Variants in FOXP1 observed in about 807,000 individuals in gnomAD.
FOXP1 encodes the protein forkhead box P1.
In FOXP1, 15 loss-of-function variants were observed where a neutral mutation model predicts 98.2. That is an observed-to-expected ratio of 0.15 (90% CI 0.10 to 0.24). The LOEUF is 0.24. Among genes scored for constraint, FOXP1 ranks in the 10% least tolerant of loss-of-function variants. The pLI is 1.00. For synonymous variants in FOXP1, 371 were observed against 314.5 expected, an observed-to-expected ratio of 1.18 and a Z score of -1.90; for missense variants, 633 against 848.5, an observed-to-expected ratio of 0.75 and a Z score of 3.15.
chr3:71,509,727 T>G (rs1338192753), intron 2 of FOXP1, among the ~76,000 whole-genome samples: 1 of 151,468 alleles, frequency 6.6e-6, no homozygotes, highest in Non-Finnish European at 1.5e-5. Context: ...TACAAAAAAT[T>G]AAAAATTAGC....
rs1553647824 is a variant in FOXP1, at chr3:70,955,215, C to CT, written c.*4031dup. The CT allele has an allele frequency of 8.6e-6, 2 of 232,328 alleles. No homozygotes were observed. The highest frequency in any genetic ancestry group is 5.6e-5 in the Admixed American group (1 of 17,750). 14.4% of individuals were successfully genotyped at this position (232,328 alleles called of 1,614,324 possible). On this transcript the variant is annotated 3_prime_UTR_variant, in exon 21 of 21. Coordinates refer to ENST00000649528, the MANE Select transcript of FOXP1 (RefSeq NM_001349338.3). ...AAAAGAGAGGAAATATTTTTTAACTCTATTTTTTTTCATGAGGAAAAAAAA... is the reference window on the plus strand; with the variant it reads ...AAAAGAGAGGAAATATTTTTTAACTCTTATTTTTTTTCATGAGGAAAAAAAA...
intron 7 of FOXP1, among the ~76,000 whole-genome samples, chr3:71,086,362 A>G (rs1023016966): frequency 6.6e-6 from 1 of 152,184 alleles, no homozygotes; most frequent in Non-Finnish European, 1.5e-5. Context: ...TTAATTTCAT[A>G]TTAAGGAAAT....
At chr3:71,138,998 G>A (rs978084222) in intron 6 of FOXP1, among the ~76,000 whole-genome samples, 1 of 151,938 alleles carries the variant, frequency 6.6e-6, no homozygotes, top group African/African-American at 2.4e-5. Flanking sequence ...CTCTGAAAAC[G>A]GCATCCTGGT....
At chr3:71,018,703 A>C (rs115316652) in intron 11 of FOXP1, among the ~76,000 whole-genome samples, 18 of 152,350 alleles carry the variant, frequency 1.2e-4, no homozygotes, top group African/African-American at 4.3e-4. Context: ...CCTCGATAGC[A>C]TCTTTTTGGA....
At chr3:71,157,988 T>C (rs1277758953) in intron 6 of FOXP1, among the ~76,000 whole-genome samples, 3 of 151,352 alleles carry the variant, frequency 2.0e-5, no homozygotes, top group African/African-American at 4.9e-5. Context: ...CTGGGGAGGC[T>C]GAGGCGGGAG....
chr3:71,231,430 C>T (rs1243863018), intron 5 of FOXP1, among the ~76,000 whole-genome samples: 1 of 151,774 alleles, frequency 6.6e-6, no homozygotes, highest in Non-Finnish European at 1.5e-5. Flanking sequence ...CCTATAGCTA[C>T]CTTATAGGAA....
chr3:71,164,179 C>T (rs1431742945), intron 6 of FOXP1, among the ~76,000 whole-genome samples: 3 of 152,066 alleles, frequency 2.0e-5, no homozygotes, highest in Admixed American at 6.6e-5. Flanking sequence ...ACTTAGACTG[C>T]TGTACTTATT....
intron 4 of FOXP1, among the ~76,000 whole-genome samples, chr3:71,340,488 T>C (rs984819835): frequency 1.3e-5 from 2 of 152,364 alleles, no homozygotes; most frequent in South Asian, 4.1e-4. Flanking sequence ...CAGAAAGGGC[T>C]GTAGAGTCAG....
chr3:71,213,408 A>C (rs777850628), intron 5 of FOXP1, among the ~76,000 whole-genome samples: 3 of 152,280 alleles, frequency 2.0e-5, no homozygotes, highest in Non-Finnish European at 4.4e-5. Flanking sequence ...AAGACCATTT[A>C]ACACAGCTGA....
intron 5 of FOXP1, among the ~76,000 whole-genome samples, chr3:71,256,845 T>G (rs547292951): frequency 6.6e-6 from 1 of 152,092 alleles, no homozygotes; most frequent in Non-Finnish European, 1.5e-5. Flanking sequence ...GACAGAAACA[T>G]GTTTGAGGAG....
intron 3 of FOXP1, among the ~76,000 whole-genome samples, chr3:71,434,905 CCAAA>C (rs1193147880): frequency 6.6e-6 from 1 of 151,904 alleles, no homozygotes; most frequent in Non-Finnish European, 1.5e-5. Flanking sequence ...GTCCTGACCG[CCAAA>C]CAGTTTAAAG....
intron 2 of FOXP1, among the ~76,000 whole-genome samples, chr3:71,497,231 T>C (rs978335697): frequency 1.3e-5 from 2 of 152,014 alleles, no homozygotes; most frequent in African/African-American, 2.4e-5. Context: ...CTAGAAAAAC[T>C]ATCTCTTAAA....
rs556193798 is a variant in FOXP1, at chr3:71,429,040, T to G, written c.-168+64386A>C. ...TAGTCGGCTGACATTTTTTGCTATT[T>G]CCGTTATTACAGCCGGCAAGCACGA... On this transcript the variant is annotated intron_variant, in intron 3 of 20. Coordinates refer to ENST00000649528, the MANE Select transcript of FOXP1 (RefSeq NM_001349338.3). 3.3e-5 allele frequency among the ~76,000 whole-genome samples: 5 copies of G among 152,310 alleles called. No individual in the cohort carries two copies. The East Asian group carries it at 9.7e-4, about 29-fold the overall frequency.
intron 5 of FOXP1, among the ~76,000 whole-genome samples, chr3:71,240,868 C>T (rs567673865): frequency 1.3e-5 from 2 of 151,596 alleles, no homozygotes; most frequent in African/African-American, 4.8e-5. Context: ...ATTATAATCT[C>T]ATCTATGAAG....
At chr3:71,429,585 G>C (rs1294893769) in intron 3 of FOXP1, among the ~76,000 whole-genome samples, 1 of 152,120 alleles carries the variant, frequency 6.6e-6, no homozygotes. Flanking sequence ...AAAAGCTTAG[G>C]AGCAAAACCT....
At chr3:71,465,309 GAA>G (rs869106717) in intron 3 of FOXP1, among the ~76,000 whole-genome samples, 30 of 112,158 alleles carry the variant, frequency 2.7e-4, no homozygotes, top group Admixed American at 4.0e-4. Flanking sequence ...CTCTGTCTCA[GAA>G]AAAAAAAAAA....
intron 6 of FOXP1, among the ~76,000 whole-genome samples, chr3:71,135,276 A>AAG (rs1206292336): frequency 6.6e-6 from 1 of 151,748 alleles, no homozygotes; most frequent in East Asian, 1.9e-4. Context: ...AAAAAAAAAA[A>AAG]AAGTTATAAT....
In FOXP1 at chr3:70,959,203, T is replaced by TC. The variant is rs745426511; in HGVS notation, c.*43dup. 3.1e-6 allele frequency: 5 copies of TC among 1,602,000 alleles called. No individual in the cohort carries two copies. The African/African-American group carries it at 5.4e-5, about 17-fold the overall frequency. ...AACTTTTGACGTGTTTTTTTTTTTT[T>TC]CCTTTTTCCAATCTTCATTCTCGGG... On this transcript the variant is annotated 3_prime_UTR_variant, in exon 21 of 21. Coordinates refer to ENST00000649528, the MANE Select transcript of FOXP1 (RefSeq NM_001349338.3).
rs150036850 is a variant in FOXP1 at position 71,557,180 on chromosome 3, T to C, written c.-298+24369A>G. Among the ~76,000 whole-genome samples, 18 of 152,194 alleles carry C rather than the reference T, an allele frequency of 1.2e-4. No homozygotes were observed. In the East Asian group the frequency reaches 2.9e-3, roughly 24 times the overall value. On this transcript the variant is annotated intron_variant, in intron 2 of 20. Coordinates refer to ENST00000649528, the MANE Select transcript of FOXP1 (RefSeq NM_001349338.3). ...TTTTACAGCATCAAAATTCTAAAAGTTGGGTATATCATACAGGTATCTTTC... is the reference window on the plus strand; with the variant it reads ...TTTTACAGCATCAAAATTCTAAAAGCTGGGTATATCATACAGGTATCTTTC...
Sources: gnomAD v4.1 joint callset for allele counts (sites outside exome capture counted in the v4.1 genomes callset) on GRCh38, gnomAD v4.1.1 for gene constraint, MANE v1.5 for transcripts, NCBI Gene and HGNC (gene_info 2026-07-23, HGNC 2026-07-21) for gene names.